ASAP1: variants seen among roughly 807,000 people sequenced by gnomAD.
The protein encoded by ASAP1 is ArfGAP with SH3 domain, ankyrin repeat and PH domain 1.
A neutral mutation model predicts 145.2 loss-of-function variants in ASAP1; 43 were observed. The ratio of observed to expected loss-of-function variants is 0.30; its 90% CI spans 0.23 to 0.38. The LOEUF (loss-of-function observed/expected upper bound fraction) is 0.38. ASAP1 is among the 10% of genes least tolerant of loss of function. ASAP1 has a pLI of 1.00. For synonymous variants in ASAP1, 546 were observed against 515.5 expected, an observed-to-expected ratio of 1.06 and a Z score of -0.80; for missense variants, 1,018 against 1,355.3, an observed-to-expected ratio of 0.75 and a Z score of 3.91.
intron 15 of ASAP1, among the ~76,000 whole-genome samples, chr8:130,132,321 G>C (rs2097584405): frequency 6.6e-6 from 1 of 152,156 alleles, no homozygotes; most frequent in African/African-American, 2.4e-5. Context: ...TGAACCTGTG[G>C]GTGGAGGGCC....
chr8:130,315,430 A>AG (rs1169461396), intron 3 of ASAP1, among the ~76,000 whole-genome samples: 7 of 152,222 alleles, frequency 4.6e-5, no homozygotes. Context: ...GGTCTAAGGC[A>AG]GGGGTAAGTC....
At chr8:130,364,236 A>C (rs997912860) in intron 2 of ASAP1, among the ~76,000 whole-genome samples, 4 of 152,246 alleles carry the variant, frequency 2.6e-5, no homozygotes, top group African/African-American at 9.6e-5. Flanking sequence ...AAGAGGCAGA[A>C]TGGTGGGAAC....
At chr8:130,344,452 T>C (rs1019094284) in intron 3 of ASAP1, among the ~76,000 whole-genome samples, 3 of 152,116 alleles carry the variant, frequency 2.0e-5, no homozygotes, top group Non-Finnish European at 4.4e-5. Flanking sequence ...ATACCTGATA[T>C]TGCTTCAAAA....
intron 2 of ASAP1, among the ~76,000 whole-genome samples, chr8:130,400,128 G>C (rs1175963489): frequency 6.6e-6 from 1 of 152,130 alleles, no homozygotes; most frequent in African/African-American, 2.4e-5. Flanking sequence ...CCGAAAGCCG[G>C]TGTCTTGTGT....
intron 27 of ASAP1, among the ~76,000 whole-genome samples, chr8:130,062,259 T>G (rs2097421191): frequency 6.6e-6 from 1 of 152,204 alleles, no homozygotes; most frequent in African/African-American, 2.4e-5. Context: ...CATTAGGAAT[T>G]TGATCCTAAA....
At chr8:130,117,762 T>C (rs1376670619) in intron 20 of ASAP1, among the ~76,000 whole-genome samples, 1 of 152,240 alleles carries the variant, frequency 6.6e-6, no homozygotes, top group African/African-American at 2.4e-5. Flanking sequence ...TTCTCTCTTT[T>C]AACCTCTCCT....
Position 130,429,591 on chromosome 8 carries a change from T to C in ASAP1, c.-28+13869A>G, listed in dbSNP as rs73427429. On this transcript the variant is annotated intron_variant, in intron 1 of 29. Transcript: ENST00000518721. The stretch of plus-strand genomic sequence containing the variant: ...CATCCATACCACAGAAGCAGCGTTG[T>C]TTCTGGTGTATGATTACCCTCTGTA... Among the ~76,000 whole-genome samples the C allele has an allele frequency of 5.7e-3, 870 of 152,304 alleles. 8 individuals are homozygous for C. Among genetic ancestry groups the C allele is most frequent in the African/African-American group, 0.02 (843 of 41,564 alleles).
At chr8:130,385,519 G>A (rs776597001) in intron 2 of ASAP1, among the ~76,000 whole-genome samples, 3 of 152,226 alleles carry the variant, frequency 2.0e-5, no homozygotes, top group Non-Finnish European at 4.4e-5. Context: ...AGGTGGGGGC[G>A]TGCCCAAGAG....
Position 130,115,680 on chromosome 8 carries a change from C to T in ASAP1, c.2120G>A (p.Trp707Ter). The T allele has an allele frequency of 6.2e-7, 1 of 1,614,170 alleles. No homozygotes were observed. ...FNPHVHVEYE[W>*]NLRQEEIDES... ...ATCTATCTCCTCCTGTCGAAGATTC[C>T]ACTCATATTCTACGTGGACGTGTGG... is the stretch of plus-strand genomic sequence containing the variant. The change falls in exon 23 of 30, where the codon TGG (tryptophan) becomes TAG (stop). Residue 707 changes from tryptophan (W) to a stop codon, truncating the protein, a stop_gained. Transcript: ENST00000518721. LOFTEE classifies it high-confidence loss of function.
chr8:130,228,957 CT>C (rs1354562453), intron 4 of ASAP1, among the ~76,000 whole-genome samples: 22 of 152,092 alleles, frequency 1.4e-4, no homozygotes, highest in African/African-American at 5.3e-4. Context: ...CCATACAGCT[CT>C]CCACAATGAA....
intron 14 of ASAP1, among the ~76,000 whole-genome samples, chr8:130,136,531 C>A (rs1226117459): frequency 6.6e-6 from 1 of 150,942 alleles, no homozygotes; most frequent in Non-Finnish European, 1.5e-5. Context: ...GCTTCTTAAC[C>A]ACAGGTGCAC....
chr8:130,177,637 T>C (rs1586524395), intron 9 of ASAP1, among the ~76,000 whole-genome samples: 1 of 152,180 alleles, frequency 6.6e-6, no homozygotes, highest in East Asian at 1.9e-4. Context: ...GTGAAAACTT[T>C]CTACTTCAAT....
At chr8:130,058,578 C>T (rs1292899411) in intron 28 of ASAP1, among the ~76,000 whole-genome samples, 1 of 152,196 alleles carries the variant, frequency 6.6e-6, no homozygotes, top group Admixed American at 6.5e-5. Context: ...ACAGCAGGAT[C>T]GGCCTGGGGC....
chr8:130,404,363 G>A (rs1828932961), intron 1 of ASAP1, among the ~76,000 whole-genome samples: 1 of 152,150 alleles, frequency 6.6e-6, no homozygotes, highest in South Asian at 2.1e-4. Flanking sequence ...AAACAATCTT[G>A]AAAATGAAGA....
chr8:130,134,436 G>C, intron 14 of ASAP1, 92 bp from the exon 15 acceptor site: 1 of 722,832 alleles, frequency 1.4e-6, no homozygotes, highest in Non-Finnish European at 2.1e-6. Context: ...AAGAAAACCA[G>C]TAAAAGTAGA....
chr8:130,167,347 T>C lies in ASAP1; in HGVS notation c.909+189A>G, dbSNP rs2097682035. Reference sequence around the variant, plus strand: ...AAAAATCCAGAGTCATGGAATTGGATACCCAGAACATCTTTCCTATAAGCA... The same window carrying C: ...AAAAATCCAGAGTCATGGAATTGGACACCCAGAACATCTTTCCTATAAGCA... On this transcript the variant is annotated intron_variant, in intron 11 of 29. Transcript: ENST00000518721. 7 of 716,372 alleles carry C rather than the reference T, an allele frequency of 9.8e-6. No individual in the cohort carries two copies. The Admixed American group carries it at 1.4e-4, about 15-fold the overall frequency. The allele number at this position is 716,372 out of a possible 1,614,324, so 44.4% of individuals were successfully genotyped here. A position where few individuals can be genotyped will look rare whatever the true frequency, so the allele number is the denominator to read the frequency against.
intron 4 of ASAP1, among the ~76,000 whole-genome samples, chr8:130,217,341 T>C (rs1816992236): frequency 6.6e-6 from 1 of 152,138 alleles, no homozygotes; most frequent in Admixed American, 6.5e-5. Context: ...TTAAAGGCTT[T>C]ACAATAAATT....
At chr8:130,327,357 C>T (rs1324089725) in intron 3 of ASAP1, among the ~76,000 whole-genome samples, 1 of 152,158 alleles carries the variant, frequency 6.6e-6, no homozygotes, top group Non-Finnish European at 1.5e-5. Context: ...TCCAACTGGA[C>T]CTCAGTGTAG....
chr8:130,327,735 C>A (rs6415511), intron 3 of ASAP1, among the ~76,000 whole-genome samples: 122,772 of 152,114 alleles, frequency 0.81, 50,079 homozygotes, highest in African/African-American at 0.92. Context: ...CAGAAAGTAG[C>A]TTAGTAAAGG....
Sources: gnomAD v4.1 joint callset for allele counts (sites outside exome capture counted in the v4.1 genomes callset) on GRCh38, gnomAD v4.1.1 for gene constraint, MANE v1.5 for transcripts, NCBI Gene and HGNC (gene_info 2026-07-23, HGNC 2026-07-21) for gene names.